AKT3: variants seen among roughly 807,000 people sequenced by gnomAD.
AKT3 encodes the protein RAC-gamma serine/threonine-protein kinase.
A neutral mutation model predicts 65.3 loss-of-function variants in AKT3; 15 were observed. That is an observed-to-expected ratio of 0.23 (90% CI 0.15 to 0.35). The LOEUF is 0.35. Among genes scored for constraint, AKT3 ranks in the 10% least tolerant of loss-of-function variants. The pLI, the probability that AKT3 is intolerant of heterozygous loss-of-function variation, is 1.00. For missense variants in AKT3, 243 were observed against 576.5 expected (o/e 0.42, Z 5.92); for synonymous variants, 206 against 183.8 (o/e 1.12, Z -0.98).
At chr1:243,790,461 G>T (rs745480709) in intron 2 of AKT3, among the ~76,000 whole-genome samples, 12 of 152,286 alleles carry the variant, frequency 7.9e-5, no homozygotes, top group Admixed American at 2.0e-4. Context: ...ATTAAAGAGA[G>T]TTAGGGCCTG....
intron 2 of AKT3, among the ~76,000 whole-genome samples, chr1:243,751,739 G>C (rs559736960): frequency 6.6e-6 from 1 of 152,156 alleles, no homozygotes; most frequent in African/African-American, 2.4e-5. Flanking sequence ...TGGAAGAGCT[G>C]AAACAGGACC....
At chr1:243,850,627 A>G (rs1558870510), upstream of AKT3, among the ~76,000 whole-genome samples, 1 of 150,310 alleles carries the variant, frequency 6.7e-6, no homozygotes, top group African/African-American at 2.4e-5. Flanking sequence ...GTTGACTTTG[A>G]GGAAAACTCC....
chr1:243,500,014 T>C lies in AKT3; in HGVS notation c.*5235A>G. The C allele has an allele frequency of 1.7e-6, 1 of 586,718 alleles. No individual in the cohort carries two copies. The highest frequency in any genetic ancestry group is 1.9e-5 in the African/African-American group (1 of 53,996). 36.3% of individuals were successfully genotyped at this position (586,718 alleles called of 1,614,324 possible). On this transcript the variant is annotated 3_prime_UTR_variant, in exon 14 of 14. Coordinates refer to ENST00000673466, the MANE Select transcript of AKT3 (RefSeq NM_005465.7). ...CCTGGTGTATGTTTTCAGAAATGGC[T>C]TGAAGTTATGTGTTTAAATCTGCTC... is the stretch of plus-strand genomic sequence containing the variant.
chr1:243,553,301 G>C (rs1673194038), intron 10 of AKT3, among the ~76,000 whole-genome samples: 1 of 152,102 alleles, frequency 6.6e-6, no homozygotes, highest in Non-Finnish European at 1.5e-5. Flanking sequence ...CACCCATGTG[G>C]ACTTCAAGTA....
chr1:243,542,121 A>G (rs190462728), intron 12 of AKT3, among the ~76,000 whole-genome samples: 4 of 152,230 alleles, frequency 2.6e-5, no homozygotes, highest in African/African-American at 9.6e-5. Context: ...ATTTATCTAC[A>G]GATTCAACAC....
intron 1 of AKT3, among the ~76,000 whole-genome samples, chr1:243,849,271 G>C (rs560341784): frequency 5.9e-5 from 9 of 152,222 alleles, no homozygotes; most frequent in African/African-American, 1.9e-4. Context: ...CACTGGATCA[G>C]CCAAACCCAG....
At chr1:243,835,499 A>G (rs1041417373) in intron 2 of AKT3, among the ~76,000 whole-genome samples, 1 of 152,174 alleles carries the variant, frequency 6.6e-6, no homozygotes, top group African/African-American at 2.4e-5. Flanking sequence ...ATACCTAAAA[A>G]AGCAATGCAA....
At chr1:243,738,832 T>C (rs1479604402) in intron 2 of AKT3, among the ~76,000 whole-genome samples, 1 of 152,210 alleles carries the variant, frequency 6.6e-6, no homozygotes, top group Non-Finnish European at 1.5e-5. Context: ...GGTAGAAGAA[T>C]ATTGTTTTAA....
chr1:243,692,852 T>C (rs762783606), intron 3 of AKT3, among the ~76,000 whole-genome samples: 2 of 152,120 alleles, frequency 1.3e-5, no homozygotes, highest in African/African-American at 4.8e-5. Context: ...CCTTTTGTTA[T>C]AGGAGCCTCA....
At chr1:243,770,512 G>T (rs1467982969) in intron 2 of AKT3, among the ~76,000 whole-genome samples, 1 of 151,978 alleles carries the variant, frequency 6.6e-6, no homozygotes, top group Non-Finnish European at 1.5e-5. Context: ...GTGCCTGTCT[G>T]GGAGAAGCTG....
At chr1:243,716,141 A>T (rs1686500262) in intron 2 of AKT3, among the ~76,000 whole-genome samples, 1 of 152,132 alleles carries the variant, frequency 6.6e-6, no homozygotes, top group Non-Finnish European at 1.5e-5. Context: ...TTTTAAGAAG[A>T]ATTCTTCTTC....
intron 2 of AKT3, among the ~76,000 whole-genome samples, chr1:243,835,597 G>A (rs753187672): frequency 3.3e-5 from 5 of 151,586 alleles, no homozygotes; most frequent in African/African-American, 4.9e-5. Flanking sequence ...AAATCACTTC[G>A]GTCCCCACCA....
At chr1:243,509,515 A>G (rs1484951461) in intron 13 of AKT3, among the ~76,000 whole-genome samples, 1 of 152,058 alleles carries the variant, frequency 6.6e-6, no homozygotes, top group Non-Finnish European at 1.5e-5. Flanking sequence ...GTCATATACA[A>G]CAGTTTCTAA....
At chr1:243,753,434 CTAG>C (rs909655192) in intron 2 of AKT3, among the ~76,000 whole-genome samples, 60 of 152,210 alleles carry the variant, frequency 3.9e-4, no homozygotes, top group South Asian at 1.7e-3. Flanking sequence ...TTCTCAAAAT[CTAG>C]TATCTTCAAA....
chr1:243,850,380 G>A (rs1001901959), upstream of AKT3, among the ~76,000 whole-genome samples: 2 of 151,358 alleles, frequency 1.3e-5, no homozygotes, highest in African/African-American at 4.8e-5. Context: ...GACTCTACAT[G>A]GGAATCGGAT....
chr1:243,722,756 T>C (rs939363048), intron 2 of AKT3, among the ~76,000 whole-genome samples: 3 of 152,166 alleles, frequency 2.0e-5, no homozygotes, highest in African/African-American at 7.2e-5. Context: ...AGAAATACCA[T>C]GGCAAATTAT....
intron 12 of AKT3, among the ~76,000 whole-genome samples, chr1:243,538,008 G>A (rs916386769): frequency 2.0e-5 from 3 of 152,094 alleles, no homozygotes; most frequent in Admixed American, 6.6e-5. Context: ...AAACAATGAC[G>A]GCAGGTAGAA....
intron 2 of AKT3, among the ~76,000 whole-genome samples, chr1:243,712,884 T>C (rs1204229376): frequency 6.6e-6 from 1 of 152,152 alleles, no homozygotes; most frequent in Admixed American, 6.5e-5. Context: ...GAAGGAAATA[T>C]ACAACCAACT....
chr1:243,640,078 CAAATT>C (rs1680258796), intron 5 of AKT3, among the ~76,000 whole-genome samples: 2 of 152,092 alleles, frequency 1.3e-5, no homozygotes, highest in Non-Finnish European at 2.9e-5. Context: ...CCCCAAATGT[CAAATT>C]AAAGTGTCTT....
Sources: gnomAD v4.1 joint callset for allele counts (sites outside exome capture counted in the v4.1 genomes callset) on GRCh38, gnomAD v4.1.1 for gene constraint, MANE v1.5 for transcripts, NCBI Gene and HGNC (gene_info 2026-07-23, HGNC 2026-07-21) for gene names.